Variants in MPPED2 observed in about 807,000 individuals in gnomAD.
The protein encoded by MPPED2 is metallophosphoesterase domain containing 2, also known as metallophosphoesterase MPPED2.
A neutral mutation model predicts 33.0 loss-of-function variants in MPPED2; 5 were observed. The observed-to-expected ratio is 0.15, with a 90% CI of 0.08 to 0.32. The LOEUF (loss-of-function observed/expected upper bound fraction) is 0.32. Ranked by LOEUF, MPPED2 falls within the 10% of genes least tolerant of loss-of-function variation. MPPED2 has a pLI of 1.00. For synonymous variants in MPPED2, 136 were observed against 141.9 expected, an observed-to-expected ratio of 0.96 and a Z score of 0.29; for missense variants, 275 against 372.1, an observed-to-expected ratio of 0.74 and a Z score of 2.15.
intron 4 of MPPED2, among the ~76,000 whole-genome samples, chr11:30,466,345 T>A (rs1471076162): frequency 3.9e-5 from 6 of 152,222 alleles, no homozygotes; most frequent in Admixed American, 1.3e-4. Context: ...GGAGCATTAC[T>A]TTCAAAAGTG....
At chr11:30,404,202 A>G (rs1176912357) in intron 6 of MPPED2, among the ~76,000 whole-genome samples, 1 of 152,270 alleles carries the variant, frequency 6.6e-6, no homozygotes, top group African/African-American at 2.4e-5. Flanking sequence ...AGAGATGCAC[A>G]AAGAAATAAG....
downstream of MPPED2, among the ~76,000 whole-genome samples, chr11:30,407,944 C>T (rs996020485): frequency 6.6e-6 from 1 of 151,960 alleles, no homozygotes; most frequent in Non-Finnish European, 1.5e-5. Context: ...GGTACAGAAT[C>T]CTGCCTGGGG....
intron 2 of MPPED2, among the ~76,000 whole-genome samples, chr11:30,557,436 C>T (rs886678798): frequency 1.3e-5 from 2 of 151,830 alleles, no homozygotes; most frequent in African/African-American, 4.9e-5. Context: ...CATGATAGCT[C>T]GAAAGCAGCT....
intron 2 of MPPED2, among the ~76,000 whole-genome samples, chr11:30,559,725 A>C (rs556487208): frequency 2.6e-5 from 4 of 152,208 alleles, no homozygotes; most frequent in South Asian, 4.1e-4. Flanking sequence ...TTTTTATTCC[A>C]TGTGAGGCAT....
Position 30,580,367 on chromosome 11 carries a change from G to C in MPPED2, c.7C>G (p.His3Asp). 2.5e-6 allele frequency: 4 copies of C among 1,614,084 alleles called. No homozygotes were observed. Among genetic ancestry groups the C allele is most frequent in the Non-Finnish European group, 3.4e-6 (4 of 1,179,994 alleles). The change falls in exon 2 of 7, where the codon CAT (histidine) becomes GAT (aspartate). Residue 3 changes from histidine (H) to aspartate (D), a missense_variant. Transcript: ENST00000358117. MAHGIPSQGKVTI... is the reference protein window; with the variant it reads MADGIPSQGKVTI... ...ACTTTGCCTTGAGAAGGAATCCCAT[G>C]TGCCATCCTTCCTCCCTATAGGCAT...
intron 3 of MPPED2, among the ~76,000 whole-genome samples, chr11:30,515,775 A>C (rs1953498721): frequency 6.6e-6 from 1 of 152,212 alleles, no homozygotes; most frequent in South Asian, 2.1e-4. Flanking sequence ...TTTGCCTTAC[A>C]GACAGCTAAG....
intron 4 of MPPED2, among the ~76,000 whole-genome samples, chr11:30,424,686 C>T (rs1003402337): frequency 2.6e-5 from 4 of 152,124 alleles, no homozygotes; most frequent in African/African-American, 9.7e-5. Context: ...CTCCCTGCCT[C>T]GTTTTCCCTT....
chr11:30,578,043 T>A (rs2134887571), intron 2 of MPPED2, among the ~76,000 whole-genome samples: 1 of 152,078 alleles, frequency 6.6e-6, no homozygotes, highest in Non-Finnish European at 1.5e-5. Context: ...AACAGACAGA[T>A]TAAGAAAAAT....
At chr11:30,520,373 A>C (rs1953796856) in intron 3 of MPPED2, among the ~76,000 whole-genome samples, 1 of 152,220 alleles carries the variant, frequency 6.6e-6, no homozygotes, top group Non-Finnish European at 1.5e-5. Flanking sequence ...CGGATGTGAC[A>C]AAAGCTGGGA....
chr11:30,505,928 G>T (rs1238463721), intron 3 of MPPED2, among the ~76,000 whole-genome samples: 1 of 152,100 alleles, frequency 6.6e-6, no homozygotes, highest in Non-Finnish European at 1.5e-5. Flanking sequence ...AAAAGAAAAA[G>T]AATAATTGTA....
intron 4 of MPPED2, among the ~76,000 whole-genome samples, chr11:30,450,463 A>C (rs902716916): frequency 1.8e-4 from 28 of 152,228 alleles, no homozygotes; most frequent in African/African-American, 6.3e-4. Flanking sequence ...AGATGCAGTT[A>C]TTGGTCTCAT....
intron 3 of MPPED2, among the ~76,000 whole-genome samples, chr11:30,515,003 G>A (rs1009533012): frequency 2.0e-5 from 3 of 152,164 alleles, no homozygotes; most frequent in Admixed American, 6.5e-5. Context: ...GCTGAGGCAG[G>A]AGAATCCTTT....
At chr11:30,391,852 T>C (rs2133696392) in intron 6 of MPPED2, among the ~76,000 whole-genome samples, 1 of 152,312 alleles carries the variant, frequency 6.6e-6, no homozygotes, top group East Asian at 1.9e-4. Flanking sequence ...TTTAAATTAA[T>C]GTGATTCAGG....
At chr11:30,574,777 A>T (rs973510955) in intron 2 of MPPED2, among the ~76,000 whole-genome samples, 2 of 152,236 alleles carry the variant, frequency 1.3e-5, no homozygotes, top group East Asian at 3.8e-4. Context: ...TTATCAATTT[A>T]AAAAAGTTTT....
intron 2 of MPPED2, among the ~76,000 whole-genome samples, chr11:30,574,071 G>A (rs1041380862): frequency 6.6e-6 from 1 of 152,114 alleles, no homozygotes; most frequent in Non-Finnish European, 1.5e-5. Context: ...CAAAAATATT[G>A]TTTATAAATT....
chr11:30,432,028 G>A (rs12226746), intron 4 of MPPED2, among the ~76,000 whole-genome samples: 14,186 of 152,048 alleles, frequency 0.093, 726 homozygotes, highest in East Asian at 0.19. Flanking sequence ...TACAAAAACT[G>A]TGTGGTGGCA....
At chr11:30,453,661 T>C (rs1229098324) in intron 4 of MPPED2, among the ~76,000 whole-genome samples, 4 of 152,238 alleles carry the variant, frequency 2.6e-5, no homozygotes, top group Non-Finnish European at 5.9e-5. Flanking sequence ...GAATTTCTGG[T>C]CATTTTCTAC....
intron 2 of MPPED2, among the ~76,000 whole-genome samples, chr11:30,553,656 T>G (rs755989657): frequency 3.3e-5 from 5 of 152,146 alleles, no homozygotes; most frequent in Non-Finnish European, 5.9e-5. Flanking sequence ...TGCTTCAAGT[T>G]GAAAGTCAGG....
At chr11:30,503,851 CAGA>C (rs138230663) in intron 3 of MPPED2, among the ~76,000 whole-genome samples, 1,983 of 152,258 alleles carry the variant, frequency 0.013, 48 homozygotes, top group African/African-American at 0.046. Flanking sequence ...GATGACAGGA[CAGA>C]AGAAGAACTT....
Sources: allele counts gnomAD v4.1 joint callset (sites outside exome capture counted in the v4.1 genomes callset), GRCh38; gene constraint gnomAD v4.1.1; transcripts MANE v1.5; gene names NCBI Gene and HGNC (gene_info 2026-07-23, HGNC 2026-07-21).